The following GAD1 variants were observed in gnomAD, a reference collection of about 807,000 sequenced individuals.
The protein encoded by GAD1 is glutamate decarboxylase 1, also known as 67 kDa glutamic acid decarboxylase.
In GAD1, 35 loss-of-function variants were observed where a neutral mutation model predicts 75.2. The observed-to-expected ratio is 0.47, with a 90% CI of 0.36 to 0.62. The LOEUF (loss-of-function observed/expected upper bound fraction) is 0.62, where lower values mean the gene tolerates loss of function less well. GAD1 is among the 20% of genes least tolerant of loss of function. GAD1 has a pLI of 0.00. For synonymous variants in GAD1, 257 were observed against 271.9 expected (o/e 0.95, Z 0.54); for missense variants, 490 against 758.5 (o/e 0.65, Z 4.16).
chr2:170,837,705 T>C (rs1438387018), intron 6 of GAD1, among the ~76,000 whole-genome samples: 1 of 152,102 alleles, frequency 6.6e-6, no homozygotes, highest in Admixed American at 6.5e-5. Flanking sequence ...CAAAGGAAAA[T>C]AACAAAACAA....
intron 2 of GAD1, 47 bp from the exon 3 acceptor site, chr2:170,822,040 G>C: frequency 1.3e-6 from 2 of 1,509,054 alleles, no homozygotes; most frequent in Non-Finnish European, 1.8e-6. Context: ...ATTTCCCCGC[G>C]GTCGGAACCT....
chr2:170,856,802 C>T (rs1487982580), intron 14 of GAD1, among the ~76,000 whole-genome samples: 1 of 152,180 alleles, frequency 6.6e-6, no homozygotes, highest in Non-Finnish European at 1.5e-5. Context: ...AATAACTACC[C>T]AGAGACTGGA....
At chr2:170,824,260 A>T (rs1471902556) in intron 3 of GAD1, among the ~76,000 whole-genome samples, 1 of 152,176 alleles carries the variant, frequency 6.6e-6, no homozygotes, top group Non-Finnish European at 1.5e-5. Flanking sequence ...GTGAAAGAAA[A>T]CAAAACACCA....
chr2:170,848,896 A>G (rs1178124013), intron 11 of GAD1: 2 of 458,654 alleles, frequency 4.4e-6, no homozygotes, highest in African/African-American at 4.0e-5. Flanking sequence ...TTAGAATTCT[A>G]CTCTGGGAAG....
chr2:170,850,839 C>A lies in GAD1; in HGVS notation c.1184+1489C>A, dbSNP rs185824160. 5.9e-5 allele frequency among the ~76,000 whole-genome samples: 9 copies of A among 152,062 alleles called. No individual in the cohort carries two copies. The East Asian group carries it at 1.5e-3, about 26-fold the overall frequency. ...GACCAGCCTGGCCAACATGGTGAAA[C>A]CCCCGTCTCTACTAAAAATACAAAT... is the stretch of plus-strand genomic sequence containing the variant. On this transcript the variant is annotated intron_variant, in intron 12 of 16. Transcript: ENST00000358196.
chr2:170,823,197 C>CG (rs1322782096), intron 3 of GAD1, among the ~76,000 whole-genome samples: 1 of 152,180 alleles, frequency 6.6e-6, no homozygotes, highest in Non-Finnish European at 1.5e-5. Context: ...TCAGCTCCTG[C>CG]GCGCGGGAGA....
intron 3 of GAD1, among the ~76,000 whole-genome samples, chr2:170,828,625 C>CTCT (rs1702115733): frequency 1.1e-5 from 1 of 92,446 alleles, no homozygotes; most frequent in Non-Finnish European, 2.6e-5. Context: ...CCTTGCCCTC[C>CTCT]TCCCTCTGCT....
intron 12 of GAD1, among the ~76,000 whole-genome samples, 186 bp downstream of exon 12, chr2:170,849,536 G>A (rs796370222): frequency 7.9e-5 from 12 of 152,314 alleles, no homozygotes; most frequent in African/African-American, 2.9e-4. Flanking sequence ...GAGTCCTGAA[G>A]GAGTTCACAA....
intron 6 of GAD1, chr2:170,842,787 C>T: frequency 7.1e-7 from 1 of 1,403,698 alleles, no homozygotes; most frequent in Non-Finnish European, 9.5e-7. Flanking sequence ...ATCTTTTTGT[C>T]TTCTTTTACC....
upstream of GAD1, among the ~76,000 whole-genome samples, chr2:170,813,957 C>A (rs1483674805): frequency 6.6e-6 from 1 of 152,140 alleles, no homozygotes. Flanking sequence ...CCCATTTCTT[C>A]AAAGCGCTTC....
At position 170,853,550 on chromosome 2, in the gene GAD1, A is replaced by G. The variant is rs187166836; in HGVS notation, c.1264-323A>G. ...TATCCCACCCACTGAGGAATTTTCT[A>G]TCTCTAACCCTGGCCCACTGAATGC... On this transcript the variant is annotated intron_variant, in intron 13 of 16. Transcript: ENST00000358196. This position sits in a 1 kb window ranked among gnomAD's most constrained non-coding sequence, Gnocchi z 4.1. 5 of 326,614 alleles carry G rather than the reference A, an allele frequency of 1.5e-5. No individual in the cohort carries two copies. The East Asian group carries it at 2.1e-4, about 13-fold the overall frequency. 20.2% of individuals were successfully genotyped at this position (326,614 alleles called of 1,614,324 possible).
chr2:170,850,231 A>T (rs914447771), intron 12 of GAD1, among the ~76,000 whole-genome samples: 4 of 152,236 alleles, frequency 2.6e-5, no homozygotes, highest in Non-Finnish European at 5.9e-5. Context: ...TTTACATTCC[A>T]GTGGGCTAGA....
chr2:170,823,827 C>T (rs1258051305), intron 3 of GAD1, among the ~76,000 whole-genome samples: 1 of 152,170 alleles, frequency 6.6e-6, no homozygotes, highest in African/African-American at 2.4e-5. Context: ...AGGCTCTGGG[C>T]GACGGCTCCT....
intron 2 of GAD1, among the ~76,000 whole-genome samples, chr2:170,821,414 A>AG (rs1317672795): frequency 6.6e-6 from 1 of 152,076 alleles, no homozygotes; most frequent in African/African-American, 2.4e-5. Flanking sequence ...AAGATGTCAG[A>AG]GGGAAGGGTT....
intron 2 of GAD1, chr2:170,821,734 G>T: frequency 3.1e-6 from 1 of 322,334 alleles, no homozygotes; most frequent in Non-Finnish European, 5.9e-6. Flanking sequence ...GTGTTGGGCA[G>T]CTCGATCGGA....
At chr2:170,817,225 A>ACCACCCCCCCC (rs1701723089) in intron 1 of GAD1, 177 bp downstream of exon 1, 1 of 15,472 alleles carries the variant, frequency 6.5e-5, no homozygotes, top group African/African-American at 1.6e-4. Context: ...CTGCGCAGGG[A>ACCACCCCCCCC]CCCCCCCCCC....
intron 3 of GAD1, among the ~76,000 whole-genome samples, chr2:170,828,293 AC>A (rs1559271974): frequency 6.0e-5 from 3 of 50,076 alleles, no homozygotes; most frequent in African/African-American, 2.5e-4. Context: ...TGCTGTCCTC[AC>A]CCTCCTCCCT....
intron 2 of GAD1, among the ~76,000 whole-genome samples, chr2:170,820,474 T>C (rs922389516): frequency 1.3e-5 from 2 of 152,262 alleles, no homozygotes; most frequent in African/African-American, 4.8e-5. Flanking sequence ...CTGGGCGCTC[T>C]ATCCACTCTC....
rs758731063 is a variant in GAD1, at chr2:170,818,645, C to A, written c.54C>A (p.Asp18Glu). ...CAACCTCCTCGAACGCGGGAGCGGA[C>A]CCCAATACCACTAACCTGCGCCCCA... ...SSATSSNAGADPNTTNLRPTT... is the reference protein window; with the variant it reads ...SSATSSNAGAEPNTTNLRPTT... The change falls in exon 2 of 17, where the codon GAC (aspartate) becomes GAA (glutamate). Residue 18 changes from aspartate (D) to glutamate (E), a missense_variant. Asp to Glu is a conservative substitution (Grantham distance 45). Around this residue, in one of 3 missense-constraint regions of GAD1, gnomAD observed 165 missense variants for 216.4 expected, o/e 0.76. Transcript: ENST00000358196. The surrounding 1 kb of genome is among the most constrained non-coding windows in gnomAD (Gnocchi z 5.9). 4.3e-6 allele frequency: 7 copies of A among 1,614,042 alleles called. No individual in the cohort carries two copies. The Admixed American group carries it at 6.7e-5, about 15-fold the overall frequency.
Sources: gnomAD v4.1 joint callset for allele counts (sites outside exome capture counted in the v4.1 genomes callset) on GRCh38, gnomAD v4.1.1 for gene constraint, gnomAD v4.1.1 regional missense constraint, Gnocchi (gnomAD v3.1) non-coding constraint, MANE v1.5 for transcripts, NCBI Gene and HGNC (gene_info 2026-07-23, HGNC 2026-07-21) for gene names.